Variants in CHAF1B observed in about 807,000 individuals in gnomAD.
CHAF1B encodes CAF-1 subunit B.
A neutral mutation model predicts 60.7 loss-of-function variants in CHAF1B; 10 were observed. The observed-to-expected ratio is 0.16, with a 90% CI of 0.10 to 0.28. CHAF1B has a LOEUF of 0.28. Among genes scored for constraint, CHAF1B ranks in the 10% least tolerant of loss-of-function variants. The pLI is 1.00. For synonymous variants in CHAF1B, 261 were observed against 266.1 expected (o/e 0.98, Z 0.19); for missense variants, 558 against 708.4 (o/e 0.79, Z 2.41).
chr21:36,396,928 C>G (rs2086144799), intron 5 of CHAF1B, among the ~76,000 whole-genome samples: 1 of 152,172 alleles, frequency 6.6e-6, no homozygotes, highest in African/African-American at 2.4e-5. Flanking sequence ...CACAAGGTCT[C>G]TGTAATACTT....
intron 8 of CHAF1B, among the ~76,000 whole-genome samples, chr21:36,405,835 G>A (rs376593479): frequency 2.6e-5 from 4 of 152,038 alleles, no homozygotes; most frequent in African/African-American, 4.8e-5. Context: ...GATATGTCGT[G>A]TTCTAACAAT....
At chr21:36,389,759 ATGTGTGTGTGTGTG>A (rs1555911822) in intron 3 of CHAF1B, among the ~76,000 whole-genome samples, 6 of 125,812 alleles carry the variant, frequency 4.8e-5, no homozygotes, top group South Asian at 2.7e-4. Flanking sequence ...GCATGAAGGG[ATGTGTGTGTGTGTG>A]TGTGTGTGTG....
Position 36,390,348 on chromosome 21 carries a change from A to G in CHAF1B, c.260-1203A>G, listed in dbSNP as rs188724483. Among the ~76,000 whole-genome samples, 189 of 151,848 alleles carry G rather than the reference A, an allele frequency of 1.2e-3. 1 individual carries two copies. The highest frequency in any genetic ancestry group is 3.8e-3 in the African/African-American group (159 of 41,402). On this transcript the variant is annotated intron_variant, in intron 3 of 13. Coordinates refer to ENST00000314103, the MANE Select transcript of CHAF1B (RefSeq NM_005441.3). ...AACACCATCTCAAAAAAAAAAAAAA[A>G]AAAGAAAGAAAAACAAAGAATGGGA...
chr21:36,389,895 G>GA (rs2086072669), intron 3 of CHAF1B, among the ~76,000 whole-genome samples: 3 of 151,968 alleles, frequency 2.0e-5, no homozygotes, highest in Admixed American at 2.0e-4. Flanking sequence ...GCACATGGCA[G>GA]CCCCCATTTT....
chr21:36,400,680 G>A (rs1027700832), intron 7 of CHAF1B, among the ~76,000 whole-genome samples: 10 of 152,126 alleles, frequency 6.6e-5, no homozygotes, highest in African/African-American at 2.4e-4. Context: ...CTGGCAGCAG[G>A]CAGTTTACTA....
intron 5 of CHAF1B, among the ~76,000 whole-genome samples, chr21:36,395,990 C>G (rs2086134205): frequency 6.7e-6 from 1 of 150,116 alleles, no homozygotes; most frequent in Non-Finnish European, 1.5e-5. Flanking sequence ...TCCGTTCTGT[C>G]TTGTTTTGTG....
Position 36,411,509 on chromosome 21 carries a change from C to T in CHAF1B, c.966C>T (p.Ala322=). 6.2e-7 allele frequency: 1 copy of T among 1,614,116 alleles called. No homozygotes were observed. The highest frequency in any genetic ancestry group is 8.5e-7 in the Non-Finnish European group (1 of 1,180,030). The change falls in exon 11 of 14, where the codon GCC becomes GCT. Residue 322 remains alanine, a synonymous_variant. Transcript: ENST00000314103. ...SLPYRLVFAV[A]SEDSVLLYDT... The stretch of plus-strand genomic sequence containing the variant: ...CCTACCGCCTGGTGTTTGCTGTGGC[C>T]TCGGAGGATTCCGTGCTTCTGTATG...
In CHAF1B at chr21:36,400,445, TG is replaced by T. The variant is rs560413988; in HGVS notation, c.663+843del. ...GAAATCACACCATTGCACTCCAGCC[TG>T]GGTGACAAGAGCGAAACTCAGTCTC... is the stretch of plus-strand genomic sequence containing the variant. On this transcript the variant is annotated intron_variant, in intron 7 of 13. Transcript: ENST00000314103. Among the ~76,000 whole-genome samples, 41 of 152,210 alleles carry T rather than the reference TG, an allele frequency of 2.7e-4. 2 individuals are homozygous for T. Among genetic ancestry groups the T allele is most frequent in the Admixed American group, 2.5e-3 (38 of 15,266 alleles).
intron 7 of CHAF1B, among the ~76,000 whole-genome samples, chr21:36,401,330 G>A (rs2086186437): frequency 7.4e-6 from 1 of 136,032 alleles, no homozygotes; most frequent in Non-Finnish European, 1.5e-5. Context: ...ACTTTAATAT[G>A]TTATATATTT....
intron 8 of CHAF1B, among the ~76,000 whole-genome samples, chr21:36,406,982 TTCTAGGAATGGAGAAGAC>T (rs2086242509): frequency 6.6e-6 from 1 of 152,030 alleles, no homozygotes; most frequent in Admixed American, 6.6e-5. Context: ...TAGGAGGACA[TTCTAGGAATGGAGAAGAC>T]CCAATTAAGA....
intron 12 of CHAF1B, among the ~76,000 whole-genome samples, chr21:36,414,175 C>T (rs190687379): frequency 5.8e-4 from 89 of 152,328 alleles, no homozygotes; most frequent in Admixed American, 4.3e-3. Flanking sequence ...AGCTGATGTC[C>T]AGTTACCCCT....
chr21:36,402,695 T>A, intron 7 of CHAF1B, 63 bp from the exon 8 acceptor site: 1 of 1,370,908 alleles, frequency 7.3e-7, no homozygotes. Flanking sequence ...TGGAAAAATG[T>A]TTAAGCTTTG....
intron 4 of CHAF1B, among the ~76,000 whole-genome samples, chr21:36,393,940 C>T (rs535072634): frequency 3.5e-4 from 53 of 152,020 alleles, no homozygotes; most frequent in Non-Finnish European, 7.4e-4. Flanking sequence ...CACTCTGTTG[C>T]GCAGGCTGGA....
At chr21:36,393,764 A>G (rs2086113544) in intron 4 of CHAF1B, among the ~76,000 whole-genome samples, 2 of 152,018 alleles carry the variant, frequency 1.3e-5, no homozygotes, top group Admixed American at 1.3e-4. Flanking sequence ...AGATATAGCT[A>G]TCCTTGAAAG....
intron 3 of CHAF1B, among the ~76,000 whole-genome samples, chr21:36,389,788 T>TGCGCGC (rs1362894420): frequency 1.5e-5 from 2 of 130,804 alleles, no homozygotes; most frequent in African/African-American, 7.2e-5. Flanking sequence ...TGTGTGTGTG[T>TGCGCGC]GTGTGTGTGT....
rs761138163 is a variant in CHAF1B at position 36,412,890 on chromosome 21, C to T, written c.1068C>T (p.Ser356=). ...CCCTGTTTTGGGGACGAAGGTCCAG[C>T]GATGGTGCCTTCCTGGCCATTTCTT... is the stretch of plus-strand genomic sequence containing the variant. ...YHTLSDISWS[S]DGAFLAISST... Residue 356 remains serine, a synonymous_variant, in exon 12 of 14, where the codon AGC becomes AGT. Transcript: ENST00000314103. 9 of 1,612,490 alleles carry T rather than the reference C, an allele frequency of 5.6e-6. No homozygotes were observed. Among genetic ancestry groups the T allele is most frequent in the South Asian group, 1.1e-5 (1 of 90,752 alleles).
At chr21:36,410,736 T>A (rs990467092) in intron 10 of CHAF1B, among the ~76,000 whole-genome samples, 2 of 151,820 alleles carry the variant, frequency 1.3e-5, no homozygotes, top group Non-Finnish European at 2.9e-5. Context: ...TCTCGGCTCG[T>A]TGCAGCCTTC....
Position 36,413,294 on chromosome 21 carries a change from C to T in CHAF1B, c.1472C>T (p.Ala491Val), listed in dbSNP as rs1441682793. 3 of 1,589,898 alleles carry T rather than the reference C, an allele frequency of 1.9e-6. No individual in the cohort carries two copies. Among genetic ancestry groups the T allele is most frequent in the Admixed American group, 1.8e-5 (1 of 54,724 alleles). ...AGGGTCACTCTGAACACACTGCAAG[C>T]CTGGAGCAAGACAACACCCCGGTAA... The part of the protein sequence containing the change: ...SRRVTLNTLQ[A>V]WSKTTPRRIN... The change falls in exon 12 of 14, where the codon GCC becomes GTC. Residue 491 changes from alanine to valine, a missense_variant. Transcript: ENST00000314103.
chr21:36,404,096 CTT>C (rs938306527), intron 8 of CHAF1B, among the ~76,000 whole-genome samples: 23 of 129,724 alleles, frequency 1.8e-4, no homozygotes, highest in Admixed American at 4.0e-4. Flanking sequence ...GTAATAAATC[CTT>C]TTTTTTTTTT....
Sources: allele counts gnomAD v4.1 joint callset (sites outside exome capture counted in the v4.1 genomes callset), GRCh38; gene constraint gnomAD v4.1.1; transcripts MANE v1.5; gene names NCBI Gene and HGNC (gene_info 2026-07-23, HGNC 2026-07-21).